The following TENM2 variants were observed in gnomAD, a reference collection of about 807,000 sequenced individuals.
The protein encoded by TENM2 is teneurin-2.
In TENM2, 52 loss-of-function variants were observed where a neutral mutation model predicts 245.2. That is an observed-to-expected ratio of 0.21 (90% CI 0.17 to 0.27). TENM2 has a LOEUF of 0.27. TENM2 is among the 10% of genes least tolerant of loss of function. TENM2 has a pLI of 1.00. For synonymous variants in TENM2, 1,363 were observed against 1,438.9 expected (o/e 0.95, Z 1.19); for missense variants, 3,046 against 3,666.8 (o/e 0.83, Z 4.37).
intron 1 of TENM2, among the ~76,000 whole-genome samples, chr5:167,345,419 C>T (rs564974595): frequency 6.2e-4 from 95 of 152,302 alleles, no homozygotes; most frequent in African/African-American, 2.2e-3. Flanking sequence ...TTTACGCACC[C>T]AGGGCGTTGA....
rs936913220 is a variant in TENM2, at chr5:167,310,296, T to A, written c.226+25233T>A. 3.9e-5 allele frequency among the ~76,000 whole-genome samples: 6 copies of A among 152,344 alleles called. No homozygotes were observed. The East Asian group carries it at 1.2e-3, about 29-fold the overall frequency. On this transcript the variant is annotated intron_variant, in intron 1 of 28. Coordinates refer to ENST00000518659, the Ensembl canonical transcript of TENM2. ...TTGCAATTTTTTGCTTACATTTTCT[T>A]AGCATATTCGGATTATAGCTTCTCA...
At chr5:167,587,093 C>G (rs1775558178) in intron 2 of TENM2, among the ~76,000 whole-genome samples, 1 of 152,054 alleles carries the variant, frequency 6.6e-6, no homozygotes, top group Non-Finnish European at 1.5e-5. Context: ...GTTGTTGTTT[C>G]CAGTGGGCAG....
chr5:167,301,136 A>G (rs1454886465), intron 1 of TENM2, among the ~76,000 whole-genome samples: 6 of 152,176 alleles, frequency 3.9e-5, no homozygotes, highest in Non-Finnish European at 8.8e-5. Context: ...TTCCGAGGTG[A>G]TCGGGCAGCG....
intron 2 of TENM2, among the ~76,000 whole-genome samples, chr5:167,532,375 G>C (rs1401966335): frequency 3.9e-5 from 6 of 151,940 alleles, no homozygotes; most frequent in Admixed American, 3.9e-4. Context: ...ACCCGAGACT[G>C]GGTATTTTAT....
chr5:167,393,786 TATTGCA>T (rs1761901599), intron 2 of TENM2, among the ~76,000 whole-genome samples: 1 of 152,176 alleles, frequency 6.6e-6, no homozygotes, highest in Non-Finnish European at 1.5e-5. Flanking sequence ...AACAGGAGGC[TATTGCA>T]GTAACCAAGA....
At chr5:168,135,362 A>T (rs1754956389) in intron 12 of TENM2, among the ~76,000 whole-genome samples, 1 of 152,174 alleles carries the variant, frequency 6.6e-6, no homozygotes, top group African/African-American at 2.4e-5. Flanking sequence ...TTCAATCTTT[A>T]CCAACCCTCT....
At chr5:167,998,399 C>T (rs1322424363) in intron 5 of TENM2, among the ~76,000 whole-genome samples, 1 of 152,146 alleles carries the variant, frequency 6.6e-6, no homozygotes, top group Non-Finnish European at 1.5e-5. Flanking sequence ...GAAGTTCTTG[C>T]AGGGCTACCC....
Position 167,535,548 on chromosome 5 carries a change from G to A in TENM2, c.502+160075G>A, listed in dbSNP as rs1771791588. The stretch of plus-strand genomic sequence containing the variant: ...TTATTCTCATTGTGCACGCATTTAG[G>A]GAGTGATTCAGACACGATGACTACA... On this transcript the variant is annotated intron_variant, in intron 2 of 28. Coordinates refer to ENST00000518659, the Ensembl canonical transcript of TENM2. 2.0e-5 allele frequency among the ~76,000 whole-genome samples: 3 copies of A among 152,100 alleles called. No homozygotes were observed. In the South Asian group the frequency reaches 6.2e-4, roughly 32 times the overall value.
In TENM2 at chr5:168,244,493, G is replaced by A. The variant is rs1766374258; in HGVS notation, c.5594G>A (p.Arg1865Gln). Residue 1865 changes from arginine (R) to glutamine (Q), a missense_variant, in exon 26 of 29, where the codon CGG (arginine) becomes CAG (glutamine). By Grantham distance (43) the Arg-to-Gln change is conservative. This residue lies in a region of TENM2 where 2,704 missense variants were observed against 3,331.9 expected (regional missense o/e 0.81). Transcript: ENST00000518659. This position sits in a 1 kb window ranked among gnomAD's most constrained non-coding sequence, Gnocchi z 4.9. ...ACTGAAAAGATCTATGATGACCACC[G>A]GAAGTTCACCCTGAGGATCATTTAT... 5.0e-6 allele frequency: 8 copies of A among 1,608,648 alleles called. No individual in the cohort carries two copies. The highest frequency in any genetic ancestry group is 5.9e-6 in the Non-Finnish European group (7 of 1,176,710).
chr5:168,009,582 A>G (rs1395750048), intron 5 of TENM2, among the ~76,000 whole-genome samples: 1 of 152,100 alleles, frequency 6.6e-6, no homozygotes, highest in African/African-American at 2.4e-5. Flanking sequence ...AGTGCATGAA[A>G]TACCCTCTCA....
intron 2 of TENM2, among the ~76,000 whole-genome samples, chr5:167,626,296 A>T (rs1262143229): frequency 2.0e-5 from 3 of 151,974 alleles, no homozygotes; most frequent in African/African-American, 7.3e-5. Flanking sequence ...TTCCTCAGTT[A>T]CATAAAATGG....
chr5:167,123,737 T>C, the TENM2 span, among the ~76,000 whole-genome samples: 2 of 152,308 alleles, frequency 1.3e-5, no homozygotes, highest in East Asian at 3.9e-4. Flanking sequence ...CAAAAGTAGA[T>C]AAATGCATCT....
chr5:167,654,234 T>A (rs1468226344), intron 2 of TENM2, among the ~76,000 whole-genome samples: 1 of 152,140 alleles, frequency 6.6e-6, no homozygotes, highest in Admixed American at 6.5e-5. Flanking sequence ...GAGTTATTGG[T>A]AAACTTGCCT....
intron 2 of TENM2, among the ~76,000 whole-genome samples, chr5:167,696,979 C>T (rs938201716): frequency 6.6e-6 from 1 of 152,258 alleles, no homozygotes. Flanking sequence ...CTGAGGCCGT[C>T]AACCAGGCCC....
intron 5 of TENM2, among the ~76,000 whole-genome samples, chr5:167,995,194 G>A (rs1783962953): frequency 6.6e-6 from 1 of 152,204 alleles, no homozygotes; most frequent in African/African-American, 2.4e-5. Flanking sequence ...GCTCCTGCCT[G>A]ATTTATGGGG....
intron 3 of TENM2, among the ~76,000 whole-genome samples, chr5:167,948,492 A>G (rs17069424): frequency 0.016 from 2,393 of 152,318 alleles, 51 homozygotes; most frequent in African/African-American, 0.054. Context: ...CAGGCACCTT[A>G]CTTATACCTC....
At chr5:167,498,528 C>A (rs1348701864) in intron 2 of TENM2, among the ~76,000 whole-genome samples, 1 of 152,132 alleles carries the variant, frequency 6.6e-6, no homozygotes, top group East Asian at 1.9e-4. Flanking sequence ...GAGGCATCGA[C>A]CCTGACCCTC....
the TENM2 span, among the ~76,000 whole-genome samples, chr5:166,996,125 C>G: frequency 6.6e-6 from 1 of 151,982 alleles, no homozygotes; most frequent in Non-Finnish European, 1.5e-5. Context: ...GGACAGATCA[C>G]CAGGTCAGGA....
At chr5:167,227,584 C>T in the TENM2 span, among the ~76,000 whole-genome samples, 1 of 152,096 alleles carries the variant, frequency 6.6e-6, no homozygotes, top group Non-Finnish European at 1.5e-5. Context: ...TATATCATCC[C>T]ATTCTTTCCT....
Sources: gnomAD v4.1 joint callset for allele counts (sites outside exome capture counted in the v4.1 genomes callset) on GRCh38, gnomAD v4.1.1 for gene constraint, gnomAD v4.1.1 regional missense constraint, Gnocchi (gnomAD v3.1) non-coding constraint, MANE v1.5 for transcripts, NCBI Gene and HGNC (gene_info 2026-07-23, HGNC 2026-07-21) for gene names.